PRKN: variants seen among roughly 807,000 people sequenced by gnomAD.
PRKN encodes E3 ubiquitin-protein ligase parkin.
PRKN carries 56 observed loss-of-function variants against 59.5 expected under a neutral mutation model. The observed-to-expected ratio is 0.94, with a 90% confidence interval of 0.76 to 1.18. PRKN has a LOEUF of 1.18. Among genes scored for constraint, PRKN ranks in the 50% most tolerant of loss-of-function variants. The pLI is 0.00. For synonymous variants in PRKN, 250 were observed against 222.1 expected, an observed-to-expected ratio of 1.13 and a Z score of -1.12; for missense variants, 657 against 596.4, an observed-to-expected ratio of 1.10 and a Z score of -1.06.
chr6:161,563,008 C>T (rs1313535797), intron 8 of PRKN, among the ~76,000 whole-genome samples: 1 of 152,122 alleles, frequency 6.6e-6, no homozygotes, highest in African/African-American at 2.4e-5. Flanking sequence ...TTTCCAGCCA[C>T]CTTGGTTTAA....
chr6:161,883,118 T>C (rs550231075), intron 6 of PRKN, among the ~76,000 whole-genome samples: 1 of 151,874 alleles, frequency 6.6e-6, no homozygotes, highest in Admixed American at 6.5e-5. Flanking sequence ...AAGGCAGAAA[T>C]AGAGGTAAGA....
intron 3 of PRKN, among the ~76,000 whole-genome samples, chr6:162,235,994 A>AAAGG (rs1778685343): frequency 7.6e-6 from 1 of 130,918 alleles, no homozygotes; most frequent in Non-Finnish European, 1.6e-5. Flanking sequence ...AGAAAGAAAG[A>AAAGG]AAGAAAGAAA....
intron 4 of PRKN, among the ~76,000 whole-genome samples, chr6:162,087,872 A>G (rs1398362048): frequency 6.6e-6 from 1 of 152,140 alleles, no homozygotes; most frequent in Admixed American, 6.5e-5. Flanking sequence ...GATTACAGGC[A>G]TGAGTCACTG....
chr6:162,638,108 C>A (rs1777803999), intron 1 of PRKN, among the ~76,000 whole-genome samples: 2 of 151,032 alleles, frequency 1.3e-5, no homozygotes, highest in African/African-American at 4.9e-5. Flanking sequence ...TCCTTTTCAG[C>A]ATGCAATTTG....
At chr6:161,452,627 A>T (rs1583087335) in intron 9 of PRKN, among the ~76,000 whole-genome samples, 1 of 152,176 alleles carries the variant, frequency 6.6e-6, no homozygotes, top group Non-Finnish European at 1.5e-5. Context: ...TAAGGAAACT[A>T]TTGCACCATC....
intron 6 of PRKN, among the ~76,000 whole-genome samples, chr6:161,952,931 C>T (rs1054414113): frequency 1.3e-5 from 2 of 152,118 alleles, no homozygotes; most frequent in Admixed American, 6.6e-5. Flanking sequence ...AGGATGACGA[C>T]GTGAGTCAAT....
At chr6:161,894,148 T>G (rs1005201314) in intron 6 of PRKN, among the ~76,000 whole-genome samples, 11 of 152,174 alleles carry the variant, frequency 7.2e-5, no homozygotes, top group African/African-American at 2.7e-4. Context: ...CTCTCTTCAT[T>G]AGCTCCACTA....
chr6:161,786,052 G>T, intron 6 of PRKN, 144 bp from the exon 7 acceptor site: 1 of 773,708 alleles, frequency 1.3e-6, no homozygotes, highest in Non-Finnish European at 2.2e-6. Flanking sequence ...TTAAGCTCAT[G>T]TATACCAACA....
intron 7 of PRKN, among the ~76,000 whole-genome samples, chr6:161,754,108 C>T (rs56298608): frequency 0.52 from 79,410 of 151,746 alleles, 20,907 homozygotes; most frequent in East Asian, 0.54. Flanking sequence ...TTCAGATTGG[C>T]CACTGGAATG....
At chr6:161,519,915 G>C (rs1778757703) in intron 9 of PRKN, among the ~76,000 whole-genome samples, 1 of 152,140 alleles carries the variant, frequency 6.6e-6, no homozygotes, top group Non-Finnish European at 1.5e-5. Flanking sequence ...CAAAGAAGCA[G>C]GGTTTGGTAA....
chr6:161,661,054 A>G (rs1041073191), intron 7 of PRKN, among the ~76,000 whole-genome samples: 1 of 152,084 alleles, frequency 6.6e-6, no homozygotes, highest in Non-Finnish European at 1.5e-5. Flanking sequence ...CAGCACGCCC[A>G]CTGCTGGTGG....
chr6:162,085,455 T>C (rs1779212707), intron 4 of PRKN, among the ~76,000 whole-genome samples: 1 of 152,128 alleles, frequency 6.6e-6, no homozygotes, highest in African/African-American at 2.4e-5. Flanking sequence ...TGTTAAACTT[T>C]GTATTAAATG....
chr6:162,456,550 A>G (rs1790881856), intron 1 of PRKN, among the ~76,000 whole-genome samples: 1 of 152,180 alleles, frequency 6.6e-6, no homozygotes, highest in Non-Finnish European at 1.5e-5. Context: ...GATGATGTGT[A>G]AAGATATTTA....
At chr6:161,655,364 G>A (rs1784305557) in intron 7 of PRKN, among the ~76,000 whole-genome samples, 1 of 151,122 alleles carries the variant, frequency 6.6e-6, no homozygotes, top group South Asian at 2.1e-4. Flanking sequence ...GCATGGGCCT[G>A]GCCCCTCATC....
intron 1 of PRKN, among the ~76,000 whole-genome samples, chr6:162,651,962 C>CA (rs1014107763): frequency 6.6e-6 from 1 of 152,110 alleles, no homozygotes; most frequent in South Asian, 2.1e-4. Context: ...AAATAATACT[C>CA]AGATATTTAG....
chr6:162,597,918 A>G (rs1781555184), intron 1 of PRKN, among the ~76,000 whole-genome samples: 1 of 152,204 alleles, frequency 6.6e-6, no homozygotes, highest in Admixed American at 6.5e-5. Context: ...GTCTCTTTTC[A>G]TCCAGACATA....
At chr6:161,782,840 G>A (rs987814648) in intron 7 of PRKN, among the ~76,000 whole-genome samples, 1 of 152,024 alleles carries the variant, frequency 6.6e-6, no homozygotes, top group African/African-American at 2.4e-5. Context: ...GTTGCAGTGA[G>A]CCGAGATCAT....
chr6:162,111,469 A>G (rs1006351124), intron 4 of PRKN, among the ~76,000 whole-genome samples: 8 of 151,952 alleles, frequency 5.3e-5, no homozygotes, highest in Non-Finnish European at 8.8e-5. Context: ...TGTCTAAAAA[A>G]AAAGAGATGC....
intron 5 of PRKN, among the ~76,000 whole-genome samples, chr6:162,039,832 T>A (rs150001603): frequency 3.0e-4 from 45 of 152,292 alleles, no homozygotes; most frequent in Non-Finnish European, 2.8e-4. Flanking sequence ...TATATCAAAG[T>A]GTGTATAGTC....
Sources: allele counts gnomAD v4.1 joint callset (sites outside exome capture counted in the v4.1 genomes callset), GRCh38; gene constraint gnomAD v4.1.1; transcripts MANE v1.5; gene names NCBI Gene and HGNC (gene_info 2026-07-23, HGNC 2026-07-21).